The following PKD2L2 variants were observed in gnomAD, a reference collection of about 807,000 sequenced individuals.
The protein encoded by PKD2L2 is polycystin-2-like protein 2.
Under a neutral mutation model 83.9 loss-of-function variants are expected in PKD2L2, and 67 were observed. The ratio of observed to expected loss-of-function variants is 0.80; its 90% CI spans 0.66 to 0.98. PKD2L2 has a LOEUF of 0.98. Among genes scored for constraint, PKD2L2 ranks in the 50% least tolerant of loss-of-function variants. The pLI, the probability that PKD2L2 is intolerant of heterozygous loss-of-function variation, is 0.00. For missense variants in PKD2L2, 632 were observed against 717.2 expected (o/e 0.88, Z 1.36); for synonymous variants, 223 against 237.8 (o/e 0.94, Z 0.57).
At chr5:137,927,178 CAT>C (rs1168565465) in intron 12 of PKD2L2, among the ~76,000 whole-genome samples, 1 of 152,178 alleles carries the variant, frequency 6.6e-6, no homozygotes, top group Admixed American at 6.5e-5. Flanking sequence ...GAAAAGCAGT[CAT>C]GTTAGGGTGG....
At chr5:137,918,945 T>TGTGTGTGTGTGTGTGTGTGTGTGTGA (rs1561695873) in intron 8 of PKD2L2, among the ~76,000 whole-genome samples, 1 of 102,824 alleles carries the variant, frequency 9.7e-6, no homozygotes, top group Non-Finnish European at 2.2e-5. Flanking sequence ...GCCTGCACAA[T>TGTGTGTGTGTGTGTGTGTGTGTGTGA]GTGTGTGTGT....
chr5:137,896,863 A>G (rs1159827610), intron 4 of PKD2L2, among the ~76,000 whole-genome samples: 4 of 151,194 alleles, frequency 2.6e-5, no homozygotes, highest in Non-Finnish European at 5.9e-5. Context: ...ATAAATATGA[A>G]TAGTGATTAT....
intron 4 of PKD2L2, among the ~76,000 whole-genome samples, 169 bp downstream of exon 4, chr5:137,894,778 G>A (rs149588142): frequency 4.6e-5 from 7 of 152,274 alleles, no homozygotes; most frequent in East Asian, 1.9e-4. Context: ...AAGGAAGGGT[G>A]AACCTATTAT....
At chr5:137,934,892 A>C (rs1229099851) in intron 12 of PKD2L2, among the ~76,000 whole-genome samples, 3 of 152,174 alleles carry the variant, frequency 2.0e-5, no homozygotes, top group East Asian at 1.9e-4. Context: ...CACACACACA[A>C]AAGAAAAAAA....
intron 8 of PKD2L2, 75 bp from the exon 9 acceptor site, chr5:137,921,561 G>A: frequency 1.1e-6 from 1 of 886,720 alleles, no homozygotes. Context: ...TCCTCTTAGA[G>A]ACATTAGTAA....
At position 137,935,828 on chromosome 5, in the gene PKD2L2, GGAAA is replaced by G. The variant is rs747891932; in HGVS notation, c.1706_1709del (p.Lys569ArgfsTer43). On this transcript the variant is annotated frameshift_variant, in exon 13 of 15. Coordinates refer to ENST00000508883, the MANE Select transcript of PKD2L2 (RefSeq NM_001300921.2). LOFTEE classifies it high-confidence loss of function. ...CAAAACGCAGAGCAGATGAAAAAAT[GGAAA>G]GAGAGGCTTGAGAAAAAGTATTATT... is the stretch of plus-strand genomic sequence containing the variant. 1 of 1,609,670 alleles carries G rather than the reference GGAAA, an allele frequency of 6.2e-7. No homozygotes were observed. Among genetic ancestry groups the G allele is most frequent in the South Asian group, 1.1e-5 (1 of 90,968 alleles).
In PKD2L2 at chr5:137,936,387, G is replaced by A. The variant is rs377202940; in HGVS notation, c.1852G>A (p.Val618Met). 7.8e-6 allele frequency: 12 copies of A among 1,534,066 alleles called. No individual in the cohort carries two copies. The African/African-American group carries it at 9.6e-5, about 12-fold the overall frequency. ...CATCAATTTGAAGCTAAATCAAGTGGTGAGAAAGGTTTCAGCTCTATAGTA... is the reference window on the plus strand; with the variant it reads ...CATCAATTTGAAGCTAAATCAAGTGATGAGAAAGGTTTCAGCTCTATAGTA... ...HYINLKLNQV[V>M]RKVSAL Residue 618 changes from valine to methionine, a missense_variant, in exon 14 of 15, where the codon GTG (valine) becomes ATG (methionine). By Grantham distance (21) the Val-to-Met change is conservative. Around this residue, in one of 3 missense-constraint regions of PKD2L2, gnomAD observed 399 missense variants for 416.9 expected, o/e 0.96. Transcript: ENST00000508883.
chr5:137,890,336 A>G (rs1182078527), intron 1 of PKD2L2, 145 bp from the exon 2 acceptor site: 1 of 579,314 alleles, frequency 1.7e-6, no homozygotes, highest in Non-Finnish European at 3.1e-6. Flanking sequence ...CCTGCCTCGT[A>G]AAACTAAGAA....
intron 8 of PKD2L2, among the ~76,000 whole-genome samples, chr5:137,914,767 A>G (rs1255155310): frequency 6.6e-6 from 1 of 152,206 alleles, no homozygotes; most frequent in Non-Finnish European, 1.5e-5. Flanking sequence ...TGTGGGTCTC[A>G]GATATAATGG....
intron 12 of PKD2L2, among the ~76,000 whole-genome samples, chr5:137,930,200 C>T (rs1354070342): frequency 6.6e-6 from 1 of 152,120 alleles, no homozygotes; most frequent in Admixed American, 6.6e-5. Flanking sequence ...TTTAAAAACT[C>T]ATTCATAAAA....
intron 12 of PKD2L2, among the ~76,000 whole-genome samples, chr5:137,930,466 T>A (rs1759773908): frequency 6.6e-6 from 1 of 151,104 alleles, no homozygotes; most frequent in Admixed American, 6.6e-5. Context: ...AGGTCAGGAG[T>A]TCGAGACCAG....
intron 9 of PKD2L2, among the ~76,000 whole-genome samples, chr5:137,922,981 A>T (rs1243421882): frequency 2.7e-5 from 4 of 149,848 alleles, no homozygotes; most frequent in African/African-American, 9.8e-5. Flanking sequence ...TACTTTTAAA[A>T]TTTGATTTTT....
intron 4 of PKD2L2, among the ~76,000 whole-genome samples, chr5:137,896,686 AC>A: frequency 6.6e-6 from 1 of 152,228 alleles, no homozygotes; most frequent in East Asian, 1.9e-4. Context: ...AGCTGGAATT[AC>A]AGGTGTGAGC....
intron 14 of PKD2L2, among the ~76,000 whole-genome samples, chr5:137,940,661 T>C (rs1032040150): frequency 6.6e-6 from 1 of 152,202 alleles, no homozygotes; most frequent in African/African-American, 2.4e-5. Context: ...TGAGTGTCTA[T>C]TAAGTGTTGG....
Position 137,920,455 on chromosome 5 carries a change from GCTATCAAA to G in PKD2L2, c.1329-1180_1329-1173del, listed in dbSNP as rs1758788499. Among the ~76,000 whole-genome samples the G allele has an allele frequency of 4.6e-5, 7 of 151,974 alleles. No individual in the cohort carries two copies. In the South Asian group the frequency reaches 1.5e-3, roughly 32 times the overall value. Reference sequence around the variant, plus strand: ...TAAGTGGTATTTCATATCAAACCAGGCTATCAAAGAGGGTAAAATAGGGCCGGGCACAG... The same window carrying G: ...TAAGTGGTATTTCATATCAAACCAGGGAGGGTAAAATAGGGCCGGGCACAG... On this transcript the variant is annotated intron_variant, in intron 8 of 14. Transcript: ENST00000508883.
chr5:137,935,747 G>A lies in PKD2L2; in HGVS notation c.1672-50G>A, dbSNP rs1243962609. On this transcript the variant is annotated intron_variant, in intron 12 of 14. Transcript: ENST00000508883. The stretch of plus-strand genomic sequence containing the variant: ...TGTGATGCTTGTGTGCCAAAGACTT[G>A]AAATAGAGAACTAAAGATTGCAGCC... 15 of 960,862 alleles carry A rather than the reference G, an allele frequency of 1.6e-5. No individual in the cohort carries two copies. In the South Asian group the frequency reaches 2.0e-4, roughly 13 times the overall value. 59.5% of individuals were successfully genotyped at this position (960,862 alleles called of 1,614,324 possible). A position where few individuals can be genotyped will look rare whatever the true frequency, so the allele number is the denominator to read the frequency against.
At chr5:137,924,930 G>GGGTA in intron 10 of PKD2L2, 110 bp from the exon 11 acceptor site, 1 of 696,814 alleles carries the variant, frequency 1.4e-6, no homozygotes, top group South Asian at 1.7e-5. Context: ...CAGTCCTTTA[G>GGGTA]GGTAGCAATC....
intron 12 of PKD2L2, among the ~76,000 whole-genome samples, chr5:137,929,643 T>C (rs1254957211): frequency 7.8e-6 from 1 of 127,722 alleles, no homozygotes; most frequent in Non-Finnish European, 1.6e-5. Flanking sequence ...TACATGCAAA[T>C]AAGCTTAATT....
intron 8 of PKD2L2, among the ~76,000 whole-genome samples, chr5:137,910,511 G>T (rs571712970): frequency 6.6e-6 from 1 of 151,818 alleles, no homozygotes; most frequent in Non-Finnish European, 1.5e-5. Flanking sequence ...GATGGTTCGC[G>T]CCTGTAATGC....
Sources: gnomAD v4.1 joint callset for allele counts (sites outside exome capture counted in the v4.1 genomes callset) on GRCh38, gnomAD v4.1.1 for gene constraint, gnomAD v4.1.1 regional missense constraint, MANE v1.5 for transcripts, NCBI Gene and HGNC (gene_info 2026-07-23, HGNC 2026-07-21) for gene names.